Variants in FHAD1 observed in about 807,000 individuals in gnomAD.
FHAD1 encodes the protein forkhead-associated domain-containing protein 1.
In FHAD1, 146 loss-of-function variants were observed where a neutral mutation model predicts 191.3. The observed-to-expected ratio is 0.76, with a 90% CI of 0.67 to 0.88. The LOEUF (loss-of-function observed/expected upper bound fraction) is 0.88, where lower values mean the gene tolerates loss of function less well. Ranked by LOEUF, FHAD1 falls within the 40% of genes least tolerant of loss-of-function variation. FHAD1 has a pLI of 0.00. For synonymous variants in FHAD1, 616 were observed against 672.3 expected (o/e 0.92, Z 1.29); for missense variants, 1,635 against 1,785.8 (o/e 0.92, Z 1.52).
intron 4 of FHAD1, among the ~76,000 whole-genome samples, chr1:15,294,055 T>G (rs1055721411): frequency 2.0e-5 from 3 of 152,148 alleles, no homozygotes; most frequent in African/African-American, 7.2e-5. Flanking sequence ...GTTTCCCTGA[T>G]GCGGAGAGGG....
intron 19 of FHAD1, 150 bp downstream of exon 19, chr1:15,349,299 A>T: frequency 1.6e-6 from 1 of 632,314 alleles, no homozygotes; most frequent in African/African-American, 1.8e-5. Context: ...GACCTCCGGC[A>T]GATCGCCACC....
intron 2 of FHAD1, among the ~76,000 whole-genome samples, chr1:15,265,280 A>G (rs995937167): frequency 6.6e-5 from 10 of 152,216 alleles, no homozygotes; most frequent in Admixed American, 6.5e-4. Context: ...AATGAACACA[A>G]AGTGCTTTGG....
At chr1:15,390,344 CAAAAAAAAAAAAA>C (rs59353142) in intron 32 of FHAD1, among the ~76,000 whole-genome samples, 2 of 69,224 alleles carry the variant, frequency 2.9e-5, no homozygotes, top group African/African-American at 5.6e-5. Flanking sequence ...GACTCTGTCT[CAAAAAAAAAAAAA>C]AAAAAAAAAA....
chr1:15,389,139 A>T (rs1703125657), intron 32 of FHAD1, among the ~76,000 whole-genome samples: 1 of 152,104 alleles, frequency 6.6e-6, no homozygotes, highest in Admixed American at 6.6e-5. Flanking sequence ...TTTACATACC[A>T]AGTTCCTCAA....
Position 15,272,360 on chromosome 1 carries a change from A to T in FHAD1, c.131A>T (p.Tyr44Phe), listed in dbSNP as rs1312859382. Residue 44 changes from tyrosine to phenylalanine, a missense_variant, in exon 3 of 34, where the codon TAT (tyrosine) becomes TTT (phenylalanine). Tyr to Phe is a conservative substitution (Grantham distance 22). Transcript: ENST00000688493. Reference sequence around the variant, plus strand: ...GACAACCACCATGCACTCATTGAATATAACGAGGCGGAGTGCAGCTTTGTT... The same window carrying T: ...GACAACCACCATGCACTCATTGAATTTAACGAGGCGGAGTGCAGCTTTGTT... The part of the protein sequence containing the change: ...DIDNHHALIE[Y>F]NEAECSFVLQ... The T allele has an allele frequency of 6.4e-7, 1 of 1,551,642 alleles. No individual in the cohort carries two copies. Among genetic ancestry groups the T allele is most frequent in the African/African-American group, 1.4e-5 (1 of 73,048 alleles).
chr1:15,333,759 T>C (rs1415674476), intron 14 of FHAD1, among the ~76,000 whole-genome samples: 2 of 151,974 alleles, frequency 1.3e-5, no homozygotes, highest in Non-Finnish European at 2.9e-5. Flanking sequence ...TCACACGCAT[T>C]GTGTACTTTT....
intron 3 of FHAD1, among the ~76,000 whole-genome samples, chr1:15,288,420 G>A (rs1031019555): frequency 1.3e-5 from 2 of 152,214 alleles, no homozygotes; most frequent in Non-Finnish European, 2.9e-5. Context: ...CATCTTCCCC[G>A]GGGCCTCTGC....
Position 15,327,677 on chromosome 1 carries a change from A to C in FHAD1, c.1557+535A>C, listed in dbSNP as rs778352060. Reference sequence around the variant, plus strand: ...ATCAGGCTCAGTGTTCTGAATCCCTATACAACACAGAAGAATCTGGAACAA... The same window carrying C: ...ATCAGGCTCAGTGTTCTGAATCCCTCTACAACACAGAAGAATCTGGAACAA... On this transcript the variant is annotated intron_variant, in intron 12 of 33. Coordinates refer to ENST00000688493, the MANE Select transcript of FHAD1 (RefSeq NM_001391957.1). This position sits in a 1 kb window ranked among gnomAD's most constrained non-coding sequence, Gnocchi z 5.1. The C allele has an allele frequency of 6.5e-6, 1 of 153,296 alleles. No homozygotes were observed. Among genetic ancestry groups the C allele is most frequent in the African/African-American group, 2.4e-5 (1 of 41,460 alleles). The allele number at this position is 153,296 out of a possible 1,614,324, so 9.5% of individuals were successfully genotyped here.
At chr1:15,366,099 A>G (rs1696350725) in intron 24 of FHAD1, among the ~76,000 whole-genome samples, 166 bp downstream of exon 24, 1 of 151,980 alleles carries the variant, frequency 6.6e-6, no homozygotes, top group African/African-American at 2.4e-5. Context: ...CAGCCTGGCC[A>G]ATATGGTGAA....
chr1:15,323,636 AGT>A (rs1341487903), intron 10 of FHAD1, among the ~76,000 whole-genome samples: 1 of 152,168 alleles, frequency 6.6e-6, no homozygotes, highest in South Asian at 2.1e-4. Flanking sequence ...ATTTCCTGCA[AGT>A]GCCTGAGCCC....
In FHAD1 at chr1:15,360,761, G is replaced by A. The variant is rs188111460; in HGVS notation, c.2962+58G>A. On this transcript the variant is annotated intron_variant, in intron 22 of 33. Coordinates refer to ENST00000688493, the MANE Select transcript of FHAD1 (RefSeq NM_001391957.1). Reference sequence around the variant, plus strand: ...TGTTCGGGGCAGGTTCTGATTGTCCGCTGGGTCCCAACAGGCTGATGGCTA... The same window carrying A: ...TGTTCGGGGCAGGTTCTGATTGTCCACTGGGTCCCAACAGGCTGATGGCTA... 605 of 1,407,300 alleles carry A rather than the reference G, an allele frequency of 4.3e-4. 1 individual carries two copies. The highest frequency in any genetic ancestry group is 5.8e-4 in the Admixed American group (29 of 49,984). 87.2% of individuals were successfully genotyped at this position (1,407,300 alleles called of 1,614,324 possible).
Position 15,318,025 on chromosome 1 carries a change from CCTT to C in FHAD1, c.1365+101_1365+103del. The C allele has an allele frequency of 4.0e-6, 3 of 745,578 alleles. No homozygotes were observed. The South Asian group carries it at 5.5e-5, about 14-fold the overall frequency. 46.2% of individuals were successfully genotyped at this position (745,578 alleles called of 1,614,324 possible). A position where few individuals can be genotyped will look rare whatever the true frequency, so the allele number is the denominator to read the frequency against. On this transcript the variant is annotated intron_variant, in intron 10 of 33. Transcript: ENST00000688493. The surrounding 1 kb of genome is among the most constrained non-coding windows in gnomAD (Gnocchi z 4.1). ...CTAAGTGGACTATGCTGGTATTAACCCTTCTTACAGCTGAGAAAACTGAGGCTC... is the reference window on the plus strand; with the variant it reads ...CTAAGTGGACTATGCTGGTATTAACCCTTACAGCTGAGAAAACTGAGGCTC...
chr1:15,369,060 T>C (rs1697359217), intron 25 of FHAD1, among the ~76,000 whole-genome samples: 2 of 152,278 alleles, frequency 1.3e-5, no homozygotes, highest in South Asian at 4.1e-4. Flanking sequence ...TGTGGGATTG[T>C]TATGAGAGAT....
chr1:15,269,123 C>A (rs970489075), intron 2 of FHAD1, among the ~76,000 whole-genome samples: 2 of 151,998 alleles, frequency 1.3e-5, no homozygotes, highest in African/African-American at 2.4e-5. Context: ...AAAGAACCAA[C>A]TTTTGTTTTC....
rs943726679 is a variant in FHAD1 at position 15,341,792 on chromosome 1, G to A, written c.2034G>A (p.Arg678=). Residue 678 remains arginine, a synonymous_variant, in exon 16 of 34, where the codon CGG becomes CGA. Coordinates refer to ENST00000688493, the MANE Select transcript of FHAD1 (RefSeq NM_001391957.1). ...AGTCTTTACTGCAGGAAAAGCTGCGGGAGCATCTGGCAGAGAAGGAGAAGC... is the reference window on the plus strand; with the variant it reads ...AGTCTTTACTGCAGGAAAAGCTGCGAGAGCATCTGGCAGAGAAGGAGAAGC... ...TQQSLLQEKL[R]EHLAEKEKLN... The A allele has an allele frequency of 1.9e-6, 3 of 1,551,768 alleles. No homozygotes were observed. The highest frequency in any genetic ancestry group is 1.7e-6 in the Non-Finnish European group (2 of 1,146,884).
chr1:15,337,755 C>G (rs1266638426), intron 14 of FHAD1, among the ~76,000 whole-genome samples: 1 of 151,844 alleles, frequency 6.6e-6, no homozygotes, highest in Non-Finnish European at 1.5e-5. Flanking sequence ...TGCAGCCCAG[C>G]TATTTTTCTT....
downstream of FHAD1, among the ~76,000 whole-genome samples, chr1:15,402,027 T>C (rs1707139994): frequency 6.6e-6 from 1 of 152,254 alleles, no homozygotes; most frequent in Non-Finnish European, 1.5e-5. Context: ...GAGTTTCCTG[T>C]CATCTTTAGC....
At chr1:15,370,984 C>G (rs1697916825) in intron 26 of FHAD1, among the ~76,000 whole-genome samples, 1 of 152,198 alleles carries the variant, frequency 6.6e-6, no homozygotes, top group African/African-American at 2.4e-5. Flanking sequence ...GCTCGAGGTC[C>G]AGCCAGCTGT....
At chr1:15,357,811 C>T (rs1389215214) in intron 20 of FHAD1, 3 of 242,380 alleles carry the variant, frequency 1.2e-5, no homozygotes, top group Non-Finnish European at 2.3e-5. Context: ...TGACAGCCCT[C>T]CTCAAATATT....
Sources: allele counts gnomAD v4.1 joint callset (sites outside exome capture counted in the v4.1 genomes callset), GRCh38; gene constraint gnomAD v4.1.1; non-coding constraint Gnocchi (gnomAD v3.1); transcripts MANE v1.5; gene names NCBI Gene and HGNC (gene_info 2026-07-23, HGNC 2026-07-21).